The following CACNA1B variants were observed in gnomAD, a reference collection of about 807,000 sequenced individuals.
The protein encoded by CACNA1B is voltage-dependent N-type calcium channel subunit alpha-1B.
Under a neutral mutation model 247.2 loss-of-function variants are expected in CACNA1B, and 70 were observed. The observed-to-expected ratio is 0.28, with a 90% confidence interval of 0.23 to 0.35. CACNA1B has a LOEUF of 0.35. CACNA1B is among the 10% of genes least tolerant of loss of function. The pLI is 1.00. For synonymous variants in CACNA1B, 1,231 were observed against 1,294.4 expected, an observed-to-expected ratio of 0.95 and a Z score of 1.05; for missense variants, 2,367 against 3,197.4, an observed-to-expected ratio of 0.74 and a Z score of 6.26.
intron 18 of CACNA1B, among the ~76,000 whole-genome samples, chr9:138,013,988 C>A (rs752940892): frequency 3.9e-5 from 6 of 152,264 alleles, no homozygotes; most frequent in Non-Finnish European, 7.3e-5. Flanking sequence ...GCCCACCCCC[C>A]ACACCTCCCA....
At chr9:138,003,848 C>G (rs1471157614) in intron 15 of CACNA1B, among the ~76,000 whole-genome samples, 1 of 146,020 alleles carries the variant, frequency 6.8e-6, no homozygotes, top group Admixed American at 6.9e-5. Context: ...TGTCGAACTC[C>G]TGGGGTCAAG....
Position 137,937,947 on chromosome 9 carries a change from C to CAAAAAAAAAA in CACNA1B, c.967-14305_967-14296dup, listed in dbSNP as rs57680122. On this transcript the variant is annotated intron_variant, in intron 6 of 46. Transcript: ENST00000371372. ...GGGCAACAAGAATGAAACTCTGTCTCAAAAAAAAAAAAAAAAAAAAAAAAA... is the reference window on the plus strand; with the variant it reads ...GGGCAACAAGAATGAAACTCTGTCTCAAAAAAAAAAAAAAAAAAAAAAAAAAAAAAAAAAA... Among the ~76,000 whole-genome samples, 15 of 21,932 alleles carry CAAAAAAAAAA rather than the reference C, an allele frequency of 6.8e-4. 1 individual carries two copies. The highest frequency in any genetic ancestry group is 1.6e-3 in the African/African-American group (12 of 7,468). The allele number at this position is 21,932 out of a possible 152,430, so 14.4% of individuals were successfully genotyped here.
At position 138,057,812 on chromosome 9, in the gene CACNA1B, A is replaced by G. The variant is rs1403686763; in HGVS notation, c.4049A>G (p.Asn1350Ser). 18 of 1,613,162 alleles carry G rather than the reference A, an allele frequency of 1.1e-5. No homozygotes were observed. The highest frequency in any genetic ancestry group is 1.4e-5 in the Non-Finnish European group (17 of 1,179,378). ...QWKKYDFHYDNVLWALLTLFT... is the reference protein window; with the variant it reads ...QWKKYDFHYDSVLWALLTLFT... ...AAGAAATACGACTTTCACTACGACA[A>G]TGTGCTCTGGGCTCTGCTGACGCTG... Residue 1350 changes from asparagine to serine, a missense_variant, in exon 27 of 47, where the codon AAT becomes AGT. Coordinates refer to ENST00000371372, the MANE Select transcript of CACNA1B (RefSeq NM_000718.4). This position sits in a 1 kb window ranked among gnomAD's most constrained non-coding sequence, Gnocchi z 4.0.
intron 18 of CACNA1B, among the ~76,000 whole-genome samples, chr9:138,015,422 G>T (rs1292601048): frequency 6.6e-6 from 1 of 151,936 alleles, no homozygotes; most frequent in Non-Finnish European, 1.5e-5. Context: ...TGAGACCTCC[G>T]AGGGCTGAAA....
chr9:138,001,187 C>T (rs562426045), intron 15 of CACNA1B, among the ~76,000 whole-genome samples: 24 of 146,764 alleles, frequency 1.6e-4, no homozygotes, highest in African/African-American at 5.7e-4. Flanking sequence ...TAAAAGAGAA[C>T]ATGTGTCATA....
Position 137,899,083 on chromosome 9 carries a change from C to G in CACNA1B, c.531-14097C>G, listed in dbSNP as rs1957203589. On this transcript the variant is annotated intron_variant, in intron 3 of 46. Transcript: ENST00000371372. This position sits in a 1 kb window ranked among gnomAD's most constrained non-coding sequence, Gnocchi z 5.0. The stretch of plus-strand genomic sequence containing the variant: ...CACCCTGCCTGGCCTTCTTTTTTCT[C>G]TCTTTCTTTCTTTTTTTTTTGTCAG... Among the ~76,000 whole-genome samples the G allele has an allele frequency of 1.3e-5, 2 of 151,442 alleles. No homozygotes were observed. The highest frequency in any genetic ancestry group is 2.9e-5 in the Non-Finnish European group (2 of 67,862).
At position 138,075,816 on chromosome 9, in the gene CACNA1B, C is replaced by T; in HGVS notation, c.4858-3C>T. 1 of 1,598,848 alleles carries T rather than the reference C, an allele frequency of 6.3e-7. No homozygotes were observed. Among genetic ancestry groups the T allele is most frequent in the Non-Finnish European group, 8.6e-7 (1 of 1,168,128 alleles). ...TCCGTGCCATTGCTCTTCTCCATTGCAGGTGTTTGGGAATATTGCCCTGGA... is the reference window on the plus strand; with the variant it reads ...TCCGTGCCATTGCTCTTCTCCATTGTAGGTGTTTGGGAATATTGCCCTGGA... On this transcript the variant is annotated splice_region_variant and splice_polypyrimidine_tract_variant and intron_variant, in intron 34 of 46. Transcript: ENST00000371372.
chr9:138,044,087 G>A (rs1042501616), intron 21 of CACNA1B, among the ~76,000 whole-genome samples, 187 bp downstream of exon 21: 13 of 152,238 alleles, frequency 8.5e-5, no homozygotes, highest in South Asian at 4.1e-4. Flanking sequence ...CACGGGCACA[G>A]GAGGCAGCCT....
intron 10 of CACNA1B, among the ~76,000 whole-genome samples, chr9:137,958,754 G>A (rs1957978075): frequency 6.6e-6 from 1 of 152,174 alleles, no homozygotes; most frequent in Non-Finnish European, 1.5e-5. Flanking sequence ...TCCATCCACA[G>A]TACAGGCCAA....
intron 36 of CACNA1B, among the ~76,000 whole-genome samples, chr9:138,086,439 T>A (rs963559796): frequency 2.6e-5 from 4 of 151,122 alleles, no homozygotes; most frequent in Non-Finnish European, 5.9e-5. Flanking sequence ...GTGGAAAGAT[T>A]GCTTGAGTCC....
intron 15 of CACNA1B, among the ~76,000 whole-genome samples, chr9:138,003,778 CT>C (rs11305081): frequency 0.088 from 7,675 of 86,866 alleles, 423 homozygotes; most frequent in African/African-American, 0.3. Flanking sequence ...ACGGGCTTGC[CT>C]TTTTTTTTTT....
In CACNA1B at chr9:137,919,583, G is replaced by C. The variant is rs1252788949; in HGVS notation, c.966+2152G>C. 6.6e-6 allele frequency among the ~76,000 whole-genome samples: 1 copy of C among 152,262 alleles called. No homozygotes were observed. Among genetic ancestry groups the C allele is most frequent in the Non-Finnish European group, 1.5e-5 (1 of 68,044 alleles). On this transcript the variant is annotated intron_variant, in intron 6 of 46. Transcript: ENST00000371372. This position sits in a 1 kb window ranked among gnomAD's most constrained non-coding sequence, Gnocchi z 4.6. ...AGTTTTGAAGAGGATCCTTTGGAGA[G>C]AGCGAGAGCCCGCCCCTCACCTCCA...
rs561969550 is a variant in CACNA1B, at chr9:137,957,003, A to G, written c.1243+176A>G. Among the ~76,000 whole-genome samples, 1 of 152,334 alleles carries G rather than the reference A, an allele frequency of 6.6e-6. No homozygotes were observed. Among genetic ancestry groups the G allele is most frequent in the East Asian group, 1.9e-4 (1 of 5,172 alleles). ...GGTGTCTGACCCTGGCACCTGACACAGGCCCACACTGCAGGTTTAAACCGA... is the reference window on the plus strand; with the variant it reads ...GGTGTCTGACCCTGGCACCTGACACGGGCCCACACTGCAGGTTTAAACCGA... On this transcript the variant is annotated intron_variant, in intron 9 of 46. Transcript: ENST00000371372. This position sits in a 1 kb window ranked among gnomAD's most constrained non-coding sequence, Gnocchi z 4.7.
At chr9:138,079,639 G>T (rs529062708) in intron 36 of CACNA1B, among the ~76,000 whole-genome samples, 2 of 151,312 alleles carry the variant, frequency 1.3e-5, no homozygotes, top group Admixed American at 6.6e-5. Context: ...GCCACCTGGG[G>T]AGCTGAGGCA....
At chr9:138,113,896 G>A (rs137938192) in intron 40 of CACNA1B, among the ~76,000 whole-genome samples, 1,554 of 144,646 alleles carry the variant, frequency 0.011, 10 homozygotes, top group South Asian at 0.021. Context: ...TGTGGGAGAC[G>A]TGAGGGAGCG....
chr9:138,000,265 A>G (rs1275234872), intron 15 of CACNA1B, among the ~76,000 whole-genome samples: 2 of 151,920 alleles, frequency 1.3e-5, no homozygotes. Context: ...CGCCCGGCTA[A>G]TTTTTTGTAT....
intron 20 of CACNA1B, among the ~76,000 whole-genome samples, chr9:138,042,369 G>A (rs1959135397): frequency 6.6e-6 from 1 of 152,144 alleles, no homozygotes; most frequent in South Asian, 2.1e-4. Flanking sequence ...AGAATCACTT[G>A]AACTCAGGAG....
intron 15 of CACNA1B, among the ~76,000 whole-genome samples, chr9:138,005,696 T>C (rs1477463522): frequency 6.6e-6 from 1 of 151,644 alleles, no homozygotes; most frequent in Non-Finnish European, 1.5e-5. Context: ...TATGCATGTA[T>C]CAAAATACCA....
At position 137,954,947 on chromosome 9, in the gene CACNA1B, G is replaced by A. The variant is rs1352536787; in HGVS notation, c.1071-751G>A. On this transcript the variant is annotated intron_variant, in intron 7 of 46. Coordinates refer to ENST00000371372, the MANE Select transcript of CACNA1B (RefSeq NM_000718.4). The surrounding 1 kb of genome is among the most constrained non-coding windows in gnomAD (Gnocchi z 4.1). ...GAATGGCTTGCTTCTGGCACTGTGA[G>A]CCTTAAAGCTTGGCCAGGAGGCTGG... is the stretch of plus-strand genomic sequence containing the variant. Among the ~76,000 whole-genome samples the A allele has an allele frequency of 1.3e-5, 2 of 151,878 alleles. No homozygotes were observed. Among genetic ancestry groups the A allele is most frequent in the Non-Finnish European group, 2.9e-5 (2 of 67,978 alleles).
Sources: gnomAD v4.1 joint callset for allele counts (sites outside exome capture counted in the v4.1 genomes callset) on GRCh38, gnomAD v4.1.1 for gene constraint, Gnocchi (gnomAD v3.1) non-coding constraint, MANE v1.5 for transcripts, NCBI Gene and HGNC (gene_info 2026-07-23, HGNC 2026-07-21) for gene names.